The following GLIS3 variants were observed in gnomAD, a reference collection of about 807,000 sequenced individuals.
The protein encoded by GLIS3 is GLIS family zinc finger 3, also known as zinc finger protein GLIS3.
Under a neutral mutation model 78.6 loss-of-function variants are expected in GLIS3, and 53 were observed. The observed-to-expected ratio is 0.67, with a 90% CI of 0.54 to 0.85. The LOEUF is 0.85. GLIS3 is among the 40% of genes least tolerant of loss of function. The probability of loss-of-function intolerance (pLI) is 0.00; values close to 1 mark genes in which losing one functional copy is unlikely to be tolerated. For missense variants in GLIS3, 1,703 were observed against 1,231.1 expected (o/e 1.38, Z -5.74); for synonymous variants, 684 against 509.9 (o/e 1.34, Z -4.60).
intron 2 of GLIS3, among the ~76,000 whole-genome samples, chr9:4,279,297 CAAA>C (rs56734583): frequency 0.12 from 10,561 of 91,686 alleles, 1,077 homozygotes; most frequent in South Asian, 0.17. Flanking sequence ...GACTCCATCT[CAAA>C]AAAAAAAAAA....
chr9:4,371,695 A>C, the GLIS3 span, among the ~76,000 whole-genome samples: 1 of 152,004 alleles, frequency 6.6e-6, no homozygotes, highest in Admixed American at 6.6e-5. Flanking sequence ...TCACTACTCC[A>C]TTGTGGCAAA....
chr9:3,890,921 T>A (rs1180062135), intron 7 of GLIS3, among the ~76,000 whole-genome samples: 1 of 152,112 alleles, frequency 6.6e-6, no homozygotes, highest in Non-Finnish European at 1.5e-5. Flanking sequence ...ACAGTAGATT[T>A]CCTTAATTAA....
intron 2 of GLIS3, among the ~76,000 whole-genome samples, chr9:4,184,749 G>C (rs1472048610): frequency 6.6e-6 from 1 of 152,182 alleles, no homozygotes; most frequent in Non-Finnish European, 1.5e-5. Context: ...TACAACATCT[G>C]ATAAAGTCTA....
intron 2 of GLIS3, among the ~76,000 whole-genome samples, chr9:4,273,315 C>G (rs1373961116): frequency 6.6e-6 from 1 of 152,154 alleles, no homozygotes; most frequent in Non-Finnish European, 1.5e-5. Flanking sequence ...CACTTCTGCA[C>G]CAAGCACGGT....
intron 2 of GLIS3, among the ~76,000 whole-genome samples, chr9:4,131,509 C>G (rs117552517): frequency 1.3e-5 from 2 of 152,084 alleles, no homozygotes; most frequent in East Asian, 3.9e-4. Flanking sequence ...CTGCTATTCT[C>G]GTGTTAGAGT....
chr9:4,203,654 C>T (rs1258825400), intron 2 of GLIS3, among the ~76,000 whole-genome samples: 1 of 152,154 alleles, frequency 6.6e-6, no homozygotes, highest in African/African-American at 2.4e-5. Flanking sequence ...TATATGCACT[C>T]GTGTGTTCAC....
Position 3,860,272 on chromosome 9 carries a change from C to CAAAAAAAAAAAAAAAAAAAAAAAAA in GLIS3, c.2298-4113_2298-4089dup, listed in dbSNP as rs59923144. 5.0e-4 allele frequency among the ~76,000 whole-genome samples: 27 copies of CAAAAAAAAAAAAAAAAAAAAAAAAA among 53,608 alleles called. 1 individual carries two copies. The highest frequency in any genetic ancestry group is 7.4e-4 in the Non-Finnish European group (24 of 32,356). The allele number at this position is 53,608 out of a possible 152,430, so 35.2% of individuals were successfully genotyped here. On this transcript the variant is annotated intron_variant, in intron 8 of 10. Coordinates refer to ENST00000381971, the MANE Select transcript of GLIS3 (RefSeq NM_001042413.2). The stretch of plus-strand genomic sequence containing the variant: ...CCTGGGTGACAGAGCAAGACTCTGT[C>CAAAAAAAAAAAAAAAAAAAAAAAAA]AAAAAAAAAAAAAAAAAAAAAAAAA...
chr9:4,185,302 G>A (rs1290230897), intron 2 of GLIS3, among the ~76,000 whole-genome samples: 1 of 152,092 alleles, frequency 6.6e-6, no homozygotes, highest in Non-Finnish European at 1.5e-5. Context: ...ATTTTTTATT[G>A]CTGAATAGTA....
intron 4 of GLIS3, among the ~76,000 whole-genome samples, chr9:4,062,365 G>T (rs1826725614): frequency 6.6e-6 from 1 of 152,128 alleles, no homozygotes; most frequent in Non-Finnish European, 1.5e-5. Context: ...GAAAGAAGGG[G>T]TTCTAAACTC....
At chr9:4,281,445 C>T (rs1460247312) in intron 2 of GLIS3, among the ~76,000 whole-genome samples, 1 of 152,134 alleles carries the variant, frequency 6.6e-6, no homozygotes, top group East Asian at 1.9e-4. Flanking sequence ...CCTCATGCCC[C>T]CTTCTCCCCA....
At chr9:4,483,246 G>T in the GLIS3 span, among the ~76,000 whole-genome samples, 9 of 152,148 alleles carry the variant, frequency 5.9e-5, no homozygotes, top group Non-Finnish European at 1.3e-4. Flanking sequence ...CAGTTACAGA[G>T]GATTCAGGAG....
chr9:3,877,138 C>G (rs368551808), intron 8 of GLIS3, among the ~76,000 whole-genome samples: 115 of 152,148 alleles, frequency 7.6e-4, no homozygotes, highest in Middle Eastern at 3.4e-3. Flanking sequence ...CTGAGCTTCA[C>G]GACATTGTGG....
chr9:4,163,686 G>C (rs1246556423), intron 2 of GLIS3, among the ~76,000 whole-genome samples: 1 of 152,178 alleles, frequency 6.6e-6, no homozygotes, highest in Non-Finnish European at 1.5e-5. Context: ...TCAGTATTCT[G>C]AAATATTAAA....
At chr9:4,464,576 G>C in the GLIS3 span, among the ~76,000 whole-genome samples, 1 of 151,794 alleles carries the variant, frequency 6.6e-6, no homozygotes, top group Non-Finnish European at 1.5e-5. Flanking sequence ...TGTATTTTTA[G>C]TAGAGGCGGG....
intron 4 of GLIS3, among the ~76,000 whole-genome samples, chr9:4,031,684 C>A (rs758747900): frequency 5.3e-5 from 8 of 151,872 alleles, no homozygotes; most frequent in Non-Finnish European, 1.2e-4. Flanking sequence ...TAAACAAAAA[C>A]CAAAAAGATG....
At chr9:3,978,904 C>A (rs1438727410) in intron 4 of GLIS3, among the ~76,000 whole-genome samples, 1 of 151,878 alleles carries the variant, frequency 6.6e-6, no homozygotes, top group East Asian at 1.9e-4. Flanking sequence ...AAAAATAATA[C>A]AAATAAAAAA....
At chr9:4,164,918 T>C (rs1270108079) in intron 2 of GLIS3, among the ~76,000 whole-genome samples, 3 of 152,158 alleles carry the variant, frequency 2.0e-5, no homozygotes, top group Admixed American at 6.5e-5. Flanking sequence ...AGCTGGAGTC[T>C]AGGGGAAGTG....
intron 2 of GLIS3, among the ~76,000 whole-genome samples, chr9:4,130,274 T>C (rs958411812): frequency 1.3e-5 from 2 of 152,172 alleles, no homozygotes; most frequent in Non-Finnish European, 2.9e-5. Flanking sequence ...AAAAAGCGTT[T>C]TCAGGAGAGG....
the GLIS3 span, among the ~76,000 whole-genome samples, chr9:4,447,975 C>T: frequency 1.3e-5 from 2 of 152,144 alleles, no homozygotes; most frequent in Non-Finnish European, 2.9e-5. Flanking sequence ...TGGTCTCAAA[C>T]TCTTGGGTTT....
Sources: gnomAD v4.1 joint callset for allele counts (sites outside exome capture counted in the v4.1 genomes callset) on GRCh38, gnomAD v4.1.1 for gene constraint, MANE v1.5 for transcripts, NCBI Gene and HGNC (gene_info 2026-07-23, HGNC 2026-07-21) for gene names.